Variants in RPL7 observed in about 807,000 individuals in gnomAD.
RPL7 encodes ribosomal protein L7.
For missense variants in RPL7, 205 were observed against 301.9 expected (o/e 0.68, Z 2.38); for synonymous variants, 100 against 102.2 (o/e 0.98, Z 0.13).
Position 73,292,255 on chromosome 8 carries a change from C to G in RPL7, c.274G>C (p.Val92Leu). The stretch of plus-strand genomic sequence containing the variant: ...TGAACTTACCCTCTGATTCTGATGA[C>G]AAACGCCAATTTGGGTTCTGCAGGT... ...YVPAEPKLAF[V>L]IRIRGINGVS... Residue 92 changes from valine (V) to leucine (L), a missense_variant, in exon 3 of 7, where the codon GTC becomes CTC. Physicochemically the swap from Val to Leu is conservative, Grantham distance 32. Coordinates refer to ENST00000352983, the MANE Select transcript of RPL7 (RefSeq NM_000971.4). 1 of 1,612,098 alleles carries G rather than the reference C, an allele frequency of 6.2e-7. No homozygotes were observed. Among genetic ancestry groups the G allele is most frequent in the Non-Finnish European group, 8.5e-7 (1 of 1,179,570 alleles).
chr8:73,293,855 AG>A, upstream of RPL7: 1 of 488,736 alleles, frequency 2.0e-6, no homozygotes, highest in South Asian at 2.1e-5. Flanking sequence ...AAGAGCAAAG[AG>A]TGCTGACACC....
rs1217083798 is a variant in RPL7, at chr8:73,291,101, A to G, written c.690T>C (p.Gly230=). ...MKKKTTHFVE[G]GDAGNREDQI... ...GGTCCTCCCTGTTGCCAGCATCTCC[A>G]CCTTCTACAAAATGGGTGGTCTTTT... Residue 230 remains glycine (G), a synonymous_variant, in exon 6 of 7, where the codon GGT becomes GGC. Coordinates refer to ENST00000352983, the MANE Select transcript of RPL7 (RefSeq NM_000971.4). 3.1e-6 allele frequency: 5 copies of G among 1,609,548 alleles called. No individual in the cohort carries two copies. Among genetic ancestry groups the G allele is most frequent in the Admixed American group, 1.7e-5 (1 of 59,960 alleles).
At chr8:73,292,566 C>T in intron 2 of RPL7, 123 bp downstream of exon 2, 2 of 1,015,458 alleles carry the variant, frequency 2.0e-6, no homozygotes, top group Non-Finnish European at 2.9e-6. Flanking sequence ...CAGATTGTAA[C>T]ATTAGGTAGC....
At chr8:73,291,458 A>G in intron 5 of RPL7, 94 bp downstream of exon 5, 1 of 971,792 alleles carries the variant, frequency 1.0e-6, no homozygotes, top group East Asian at 2.5e-5. Context: ...TAGGGAACAC[A>G]TGAAGATTCA....
At chr8:73,292,186 A>AG in intron 3 of RPL7, 53 bp downstream of exon 3, 2 of 1,173,320 alleles carry the variant, frequency 1.7e-6, no homozygotes, top group Non-Finnish European at 2.4e-6. Flanking sequence ...AGTAATGTGA[A>AG]GGTTTTTTTT....
In RPL7 at chr8:73,291,033, G is replaced by T. The variant is rs754454754; in HGVS notation, c.*1+10C>A. ...ATTAACTCAACCTTTCTCAGGATGAGGTCTCTCACCTTAGTTCATTCTTCT... is the reference window on the plus strand; with the variant it reads ...ATTAACTCAACCTTTCTCAGGATGATGTCTCTCACCTTAGTTCATTCTTCT... On this transcript the variant is annotated intron_variant, in intron 6 of 6. Coordinates refer to ENST00000352983, the MANE Select transcript of RPL7 (RefSeq NM_000971.4). The T allele has an allele frequency of 1.9e-6, 3 of 1,599,660 alleles. No individual in the cohort carries two copies. In the South Asian group the frequency reaches 3.3e-5, roughly 18 times the overall value.
chr8:73,291,320 T>G (rs1262517022), intron 5 of RPL7, 68 bp from the exon 6 acceptor site: 4 of 1,263,510 alleles, frequency 3.2e-6, no homozygotes, highest in Non-Finnish European at 4.5e-6. Context: ...ATTCAAAATC[T>G]TTTTGAATAG....
chr8:73,291,475 TG>T, intron 5 of RPL7, 76 bp downstream of exon 5: 1 of 1,091,462 alleles, frequency 9.2e-7, no homozygotes, highest in Non-Finnish European at 1.3e-6. Flanking sequence ...TTCACAATAG[TG>T]AGAAATGTAC....
chr8:73,293,769 G>C, upstream of RPL7: 2 of 805,544 alleles, frequency 2.5e-6, no homozygotes, highest in Non-Finnish European at 4.0e-6. Flanking sequence ...CCCTGATTTA[G>C]CCTCTTTCAA....
intron 5 of RPL7, 53 bp downstream of exon 5, chr8:73,291,499 G>A (rs1474024549): frequency 1.0e-5 from 13 of 1,291,328 alleles, no homozygotes; most frequent in African/African-American, 5.9e-5. Flanking sequence ...CCACAAGAGG[G>A]TAAGAAATTA....
chr8:73,291,012 A>G lies in RPL7; in HGVS notation c.*1+31T>C. ...TACCACCACTTATACTCTAACATTA[A>G]CTCAACCTTTCTCAGGATGAGGTCT... On this transcript the variant is annotated intron_variant, in intron 6 of 6. Coordinates refer to ENST00000352983, the MANE Select transcript of RPL7 (RefSeq NM_000971.4). 6 of 1,516,992 alleles carry G rather than the reference A, an allele frequency of 4.0e-6. No homozygotes were observed. In the South Asian group the frequency reaches 6.7e-5, roughly 17 times the overall value. The allele number at this position is 1,516,992 out of a possible 1,614,324, so 94.0% of individuals were successfully genotyped here.
chr8:73,291,873 G>C lies in RPL7; in HGVS notation c.328C>G (p.Gln110Glu), dbSNP rs79179721. The change falls in exon 4 of 7, where the codon CAG (glutamine) becomes GAG (glutamate). Residue 110 changes from glutamine to glutamate, a missense_variant. By Grantham distance (29) the Gln-to-Glu change is conservative. Transcript: ENST00000352983. ...GVSPKVRKVL[Q>E]LLRLRQIFNG... ...AAGATTTGACGAAGGCGAAGAAGCT[G>C]CAACACCTTTCGAACCTTTGGGCTC... 2.5e-6 allele frequency: 4 copies of C among 1,613,156 alleles called. No homozygotes were observed. The highest frequency in any genetic ancestry group is 2.2e-5 in the South Asian group (2 of 91,078).
At chr8:73,290,780 G>A (rs1814078262) in intron 6 of RPL7, 75 bp from the exon 7 acceptor site, 2 of 419,514 alleles carry the variant, frequency 4.8e-6, no homozygotes, top group Admixed American at 4.1e-5. Context: ...CAGTTATAAA[G>A]TAATGATTGA....
In RPL7 at chr8:73,292,275, G is replaced by A. The variant is rs202074117; in HGVS notation, c.254C>T (p.Ala85Val). The A allele has an allele frequency of 2.5e-6, 4 of 1,612,554 alleles. No individual in the cohort carries two copies. The highest frequency in any genetic ancestry group is 3.3e-5 in the Admixed American group (2 of 59,938). The change falls in exon 3 of 7, where the codon GCA (alanine) becomes GTA (valine). Residue 85 changes from alanine to valine, a missense_variant. Coordinates refer to ENST00000352983, the MANE Select transcript of RPL7 (RefSeq NM_000971.4). ...GATGACAAACGCCAATTTGGGTTCT[G>A]CAGGTACATAGAAGTTGCCAGCTTT... is the stretch of plus-strand genomic sequence containing the variant. ...ARKAGNFYVPAEPKLAFVIRI... is the reference protein window; with the variant it reads ...ARKAGNFYVPVEPKLAFVIRI...
intron 2 of RPL7, 24 bp downstream of exon 2, chr8:73,292,665 T>C (rs1306307180): frequency 6.4e-6 from 10 of 1,555,732 alleles, no homozygotes; most frequent in Non-Finnish European, 8.8e-6. Flanking sequence ...CCTTATGTGC[T>C]AGTGCCTCAA....
chr8:73,292,481 T>C lies in RPL7; in HGVS notation c.124-76A>G, dbSNP rs190066962. 679 of 1,344,550 alleles carry C rather than the reference T, an allele frequency of 5.1e-4. 6 individuals carry two copies. The highest frequency in any genetic ancestry group is 1.7e-4 in the Non-Finnish European group (170 of 976,538). 83.3% of individuals were successfully genotyped at this position (1,344,550 alleles called of 1,614,324 possible). The stretch of plus-strand genomic sequence containing the variant: ...CAATGCCAATCATTAAAAAGAAAAC[T>C]ACAACATGTTTCCTTTAAATCTTTT... On this transcript the variant is annotated intron_variant, in intron 2 of 6. Transcript: ENST00000352983.
In RPL7 at chr8:73,293,583, A is replaced by C. The variant is rs999267061; in HGVS notation, c.14+16T>G. 6 of 1,613,736 alleles carry C rather than the reference A, an allele frequency of 3.7e-6. No individual in the cohort carries two copies. The highest frequency in any genetic ancestry group is 5.1e-6 in the Non-Finnish European group (6 of 1,179,894). ...GAGATGGAGAAGGATTCTCAAGAGG[A>C]CCAGAAGCAACTCACTCTACACCCT... On this transcript the variant is annotated intron_variant, in intron 1 of 6. Transcript: ENST00000352983.
At chr8:73,291,342 A>G in intron 5 of RPL7, 90 bp from the exon 6 acceptor site, 1 of 1,032,068 alleles carries the variant, frequency 9.7e-7, no homozygotes, top group Non-Finnish European at 1.4e-6. Flanking sequence ...CTGTGAGATG[A>G]AAACATAACC....
At chr8:73,292,487 A>G (rs774577723) in intron 2 of RPL7, 82 bp from the exon 3 acceptor site, 33 of 1,318,008 alleles carry the variant, frequency 2.5e-5, no homozygotes, top group Non-Finnish European at 3.4e-5. Flanking sequence ...AAACTACAAC[A>G]TGTTTCCTTT....
Sources: gnomAD v4.1 joint callset for allele counts on GRCh38, gnomAD v4.1.1 for gene constraint, MANE v1.5 for transcripts, NCBI Gene and HGNC (gene_info 2026-07-23, HGNC 2026-07-21) for gene names.